The following BRWD3 variants were observed in gnomAD, a reference collection of about 807,000 sequenced individuals.
BRWD3 encodes bromodomain and WD repeat domain containing 3.
Under a neutral mutation model 149.7 loss-of-function variants are expected in BRWD3, and 10 were observed. The observed-to-expected ratio is 0.07, with a 90% confidence interval of 0.04 to 0.11. The LOEUF is 0.11. Ranked by LOEUF, BRWD3 falls within the 10% of genes least tolerant of loss-of-function variation. The pLI is 1.00. For synonymous variants in BRWD3, 504 were observed against 456.7 expected, an observed-to-expected ratio of 1.10 and a Z score of -1.32; for missense variants, 940 against 1,373.2, an observed-to-expected ratio of 0.68 and a Z score of 4.99.
rs781447899 is a variant in BRWD3 at position 80,691,992 on chromosome X, A to T, written c.3326-14T>A. On this transcript the variant is annotated splice_polypyrimidine_tract_variant and intron_variant, in intron 29 of 40. Coordinates refer to ENST00000373275, the MANE Select transcript of BRWD3 (RefSeq NM_153252.5). Reference sequence around the variant, plus strand: ...CTGGAAAGGCAGCTAGGTATAAGATAAAAAAAAAAAAATTAGAAAAAATTA... The same window carrying T: ...CTGGAAAGGCAGCTAGGTATAAGATTAAAAAAAAAAAATTAGAAAAAATTA... 8.0e-6 allele frequency: 3 copies of T among 375,585 alleles called. No individual in the cohort carries two copies. Among genetic ancestry groups the T allele is most frequent in the Middle Eastern group, 5.3e-4 (1 of 1,899 alleles). 31.0% of individuals were successfully genotyped at this position (375,585 alleles called of 1,213,427 possible).
chrX:80,809,823 G>GGAGA lies in BRWD3; in HGVS notation c.-356_-353dup, dbSNP rs771835323. On this transcript the variant is annotated 5_prime_UTR_variant, in exon 1 of 41. Transcript: ENST00000373275. ...AGAGAGACGCGGGGGGTGGGGGGGC[G>GGAGA]GAGAGAGAGAGAGAGAGAGAGATAG... is the stretch of plus-strand genomic sequence containing the variant. 97 of 100,379 alleles carry GGAGA rather than the reference G, an allele frequency of 9.7e-4. No homozygotes were observed. The highest frequency in any genetic ancestry group is 3.2e-3 in the East Asian group (11 of 3,469). The allele number at this position is 100,379 out of a possible 1,213,427, so 8.3% of individuals were successfully genotyped here.
At chrX:80,789,122 C>G (rs749062602) in intron 6 of BRWD3, among the ~76,000 whole-genome samples, 1 of 112,063 alleles carries the variant, frequency 8.9e-6, no homozygotes, top group Admixed American at 9.5e-5. Context: ...ATCTTTGGAG[C>G]TCTCTAGGTA....
intron 5 of BRWD3, among the ~76,000 whole-genome samples, chrX:80,793,160 CAAAAA>C (rs201065966): frequency 1.3e-4 from 6 of 44,464 alleles, no homozygotes; most frequent in Non-Finnish European, 1.6e-4. Flanking sequence ...GACTCTGTCT[CAAAAA>C]AAAAAAAAAA....
chrX:80,689,805 A>G lies in BRWD3; in HGVS notation c.3770T>C (p.Ile1257Thr). The change falls in exon 33 of 41, where the codon ATT becomes ACT. Residue 1257 changes from isoleucine (I) to threonine (T), a missense_variant. Physicochemically the swap from Ile to Thr is moderately conservative, Grantham distance 89 (BLOSUM62 -1). Coordinates refer to ENST00000373275, the MANE Select transcript of BRWD3 (RefSeq NM_153252.5). ...CTDILDTYNK[I>T]KAEERNSTDA... ...AGTACTGTTTCGTTCTTCTGCTTTA[A>G]TTTTATTATAAGTATCCAGTATATC... 1 of 1,203,362 alleles carries G rather than the reference A, an allele frequency of 8.3e-7. No individual in the cohort carries two copies. Among genetic ancestry groups the G allele is most frequent in the African/African-American group, 1.7e-5 (1 of 57,598 alleles).
chrX:80,804,118 G>A (rs192759137), intron 4 of BRWD3, among the ~76,000 whole-genome samples: 221 of 112,283 alleles, frequency 2.0e-3, no homozygotes, highest in Non-Finnish European at 3.1e-3. Context: ...TATAAAATGA[G>A]GGTAATACAA....
At chrX:80,732,186 T>C (rs922588299) in intron 12 of BRWD3, among the ~76,000 whole-genome samples, 1 of 112,162 alleles carries the variant, frequency 8.9e-6, no homozygotes, top group East Asian at 2.8e-4. Flanking sequence ...AGTATACATA[T>C]GCAAATATTC....
At position 80,672,180 on chromosome X, in the gene BRWD3, C is replaced by G. The variant is rs901626405; in HGVS notation, c.*4429G>C. ...AATTCTAAACTGCAGGGCCTTTCTA[C>G]TGTACTTCTCCCATCAATGAATCAA... On this transcript the variant is annotated 3_prime_UTR_variant, in exon 41 of 41. Transcript: ENST00000373275. 9.1e-6 allele frequency: 1 copy of G among 110,145 alleles called. No individual in the cohort carries two copies. Among genetic ancestry groups the G allele is most frequent in the Non-Finnish European group, 1.9e-5 (1 of 52,856 alleles). 9.1% of individuals were successfully genotyped at this position (110,145 alleles called of 1,213,427 possible). A position where few individuals can be genotyped will look rare whatever the true frequency, so the allele number is the denominator to read the frequency against.
intron 11 of BRWD3, 59 bp from the exon 12 acceptor site, chrX:80,733,555 C>T (rs1172305899): frequency 1.3e-5 from 12 of 929,970 alleles, no homozygotes; most frequent in Admixed American, 2.3e-5. Flanking sequence ...GAATTAAGTG[C>T]TCTTTCTCTC....
At chrX:80,752,664 A>AT (rs1032422840) in intron 6 of BRWD3, among the ~76,000 whole-genome samples, 9 of 111,423 alleles carry the variant, frequency 8.1e-5, no homozygotes, top group Non-Finnish European at 1.7e-4. Context: ...GATGTTGAGC[A>AT]TTTTTTCTTT....
In BRWD3 at chrX:80,675,812, G is replaced by A. The variant is rs1483550615; in HGVS notation, c.*797C>T. The A allele has an allele frequency of 9.0e-6, 1 of 111,689 alleles. No homozygotes were observed. The highest frequency in any genetic ancestry group is 1.9e-5 in the Non-Finnish European group (1 of 53,073). 9.2% of individuals were successfully genotyped at this position (111,689 alleles called of 1,213,427 possible). The stretch of plus-strand genomic sequence containing the variant: ...TGTGATAGGAAAAAAATTGATGCGG[G>A]AAACTTTTGCATTTGGCACCTTGTC... On this transcript the variant is annotated 3_prime_UTR_variant, in exon 41 of 41. Coordinates refer to ENST00000373275, the MANE Select transcript of BRWD3 (RefSeq NM_153252.5).
intron 40 of BRWD3, 69 bp from the exon 41 acceptor site, chrX:80,677,432 AAC>A: frequency 8.8e-7 from 1 of 1,138,383 alleles, no homozygotes; most frequent in South Asian, 2.1e-5. Flanking sequence ...TAGGTTCAAA[AAC>A]AGTCTACAGT....
At chrX:80,704,928 C>G in intron 22 of BRWD3, 82 bp from the exon 23 acceptor site, 1 of 956,693 alleles carries the variant, frequency 1.0e-6, no homozygotes, top group Non-Finnish European at 1.5e-6. Context: ...ATTCTGTAAG[C>G]AAACAGCATT....
intron 6 of BRWD3, among the ~76,000 whole-genome samples, chrX:80,769,230 C>A (rs752696912): frequency 3.9e-4 from 44 of 111,476 alleles, no homozygotes; most frequent in Non-Finnish European, 7.2e-4. Flanking sequence ...CTCAGCTCTG[C>A]AACAAGCAGA....
chrX:80,684,067 C>A lies in BRWD3; in HGVS notation c.4176G>T (p.Lys1392Asn). 8.3e-7 allele frequency: 1 copy of A among 1,207,988 alleles called. No individual in the cohort carries two copies. The highest frequency in any genetic ancestry group is 1.1e-6 in the Non-Finnish European group (1 of 892,586). ...GNYGSPLEFY[K>N]DVRQIFNNSK... ...AGTTGTTGAATATTTGGCGAACATC[C>A]TTATAAAATTCCAGAGGACTACCAT... is the stretch of plus-strand genomic sequence containing the variant. The change falls in exon 37 of 41, where the codon AAG (lysine) becomes AAT (asparagine). Residue 1392 changes from lysine to asparagine, a missense_variant. Lys to Asn is a moderately conservative substitution (Grantham distance 94). Around this residue, in one of 6 missense-constraint regions of BRWD3, gnomAD observed 349 missense variants for 419.6 expected, o/e 0.83. Transcript: ENST00000373275.
At chrX:80,787,893 A>G (rs1209710287) in intron 6 of BRWD3, among the ~76,000 whole-genome samples, 2 of 108,322 alleles carry the variant, frequency 1.8e-5, no homozygotes, top group Non-Finnish European at 3.8e-5. Context: ...GACCATCCTG[A>G]CTAACACGGT....
intron 8 of BRWD3, among the ~76,000 whole-genome samples, chrX:80,740,881 T>A (rs189389719): frequency 9.0e-6 from 1 of 111,639 alleles, no homozygotes; most frequent in African/African-American, 3.2e-5. Flanking sequence ...ATACAAGGTA[T>A]GCCAATATTC....
chrX:80,725,111 T>C, intron 14 of BRWD3, 44 bp from the exon 15 acceptor site: 1 of 1,166,628 alleles, frequency 8.6e-7, no homozygotes. Flanking sequence ...ACACGAAATG[T>C]TTGGTTCATT....
rs928702390 is a variant in BRWD3 at position 80,671,647 on chromosome X, G to A, written c.*4962C>T. On this transcript the variant is annotated 3_prime_UTR_variant, in exon 41 of 41. Transcript: ENST00000373275. ...TTGAAGATAATTGCTTATAATGACT[G>A]ATAACTGCCAAACAAAACATCTTTT... 1 of 112,026 alleles carries A rather than the reference G, an allele frequency of 8.9e-6. No homozygotes were observed. The highest frequency in any genetic ancestry group is 3.2e-5 in the African/African-American group (1 of 30,851). 9.2% of individuals were successfully genotyped at this position (112,026 alleles called of 1,213,427 possible). A position where few individuals can be genotyped will look rare whatever the true frequency, so the allele number is the denominator to read the frequency against.
At chrX:80,710,260 G>C (rs936081342) in intron 20 of BRWD3, 5 of 372,444 alleles carry the variant, frequency 1.3e-5, no homozygotes, top group Admixed American at 3.6e-5. Context: ...TTGGAAGCAA[G>C]ACCCAAATAT....
Sources: allele counts gnomAD v4.1 joint callset (sites outside exome capture counted in the v4.1 genomes callset), GRCh38; gene constraint gnomAD v4.1.1; regional missense constraint gnomAD v4.1.1; transcripts MANE v1.5; gene names NCBI Gene and HGNC (gene_info 2026-07-23, HGNC 2026-07-21).